GSAP: variants seen among roughly 807,000 people sequenced by gnomAD.
The protein encoded by GSAP is gamma-secretase activating protein.
In GSAP, 118 loss-of-function variants were observed where a neutral mutation model predicts 131.7. That is an observed-to-expected ratio of 0.90 (90% CI 0.77 to 1.04). GSAP has a LOEUF of 1.04. Ranked by LOEUF, GSAP falls within the 50% of genes least tolerant of loss-of-function variation. GSAP has a pLI of 0.00. For missense variants in GSAP, 1,019 were observed against 1,013.2 expected, an observed-to-expected ratio of 1.01 and a Z score of -0.08; for synonymous variants, 381 against 363.4, an observed-to-expected ratio of 1.05 and a Z score of -0.55.
At chr7:77,415,597 C>A (rs1417310392) in intron 1 of GSAP, 1 of 152,192 alleles carries the variant, frequency 6.6e-6, no homozygotes, top group African/African-American at 2.4e-5. Context: ...TCGGGGGCGG[C>A]TGGGGGCTCT....
At position 77,416,213 on chromosome 7, in the gene GSAP, C is replaced by T. The variant is rs1325490749; in HGVS notation, c.109G>A (p.Asp37Asn). The part of the protein sequence containing the change: ...EASGAGSGGA[D>N]VLENDYESLH... Reference sequence around the variant, plus strand: ...CCTCTCCGCAGCGCGCCTCCCGCACCTGCGCCGCCGCTTCCGGCCCCGCTG... The same window carrying T: ...CCTCTCCGCAGCGCGCCTCCCGCACTTGCGCCGCCGCTTCCGGCCCCGCTG... The change falls in exon 1 of 31, where the codon GAT becomes AAT. Residue 37 changes from aspartate (D) to asparagine (N), a missense_variant and splice_region_variant. Transcript: ENST00000257626. The T allele has an allele frequency of 1.4e-6, 2 of 1,450,678 alleles. No homozygotes were observed. The highest frequency in any genetic ancestry group is 2.6e-5 in the Admixed American group (1 of 38,574). 89.9% of individuals were successfully genotyped at this position (1,450,678 alleles called of 1,614,324 possible).
rs537008895 is a variant in GSAP at position 77,385,842 on chromosome 7, G to C, written c.456+1518C>G. On this transcript the variant is annotated intron_variant, in intron 6 of 30. Transcript: ENST00000257626. The stretch of plus-strand genomic sequence containing the variant: ...GGTGGAGGCTGGTAATAGCTTGGGG[G>C]ACAAAAAGGCAGATACTTTGAGTGG... 3.3e-5 allele frequency among the ~76,000 whole-genome samples: 5 copies of C among 152,294 alleles called. No homozygotes were observed. The South Asian group carries it at 1.0e-3, about 32-fold the overall frequency.
Position 77,416,268 on chromosome 7 carries a change from C to G in GSAP, c.54G>C (p.Trp18Cys), listed in dbSNP as rs1187441838. 1 of 1,496,350 alleles carries G rather than the reference C, an allele frequency of 6.7e-7. No individual in the cohort carries two copies. The highest frequency in any genetic ancestry group is 1.3e-5 in the South Asian group (1 of 79,050). The allele number at this position is 1,496,350 out of a possible 1,614,324, so 92.7% of individuals were successfully genotyped here. A position where few individuals can be genotyped will look rare whatever the true frequency, so the allele number is the denominator to read the frequency against. Reference sequence around the variant, plus strand: ...CCGACACTGCCCGCTGCGCCCGCAACCACGGGAGCACGTCCTTCCCGAGGT... The same window carrying G: ...CCGACACTGCCCGCTGCGCCCGCAAGCACGGGAGCACGTCCTTCCCGAGGT... Reference protein sequence around the residue: ...DFDLGKDVLPWLRAQRAVSEA... With the variant: ...DFDLGKDVLPCLRAQRAVSEA... The change falls in exon 1 of 31, where the codon TGG becomes TGC. Residue 18 changes from tryptophan (W) to cysteine (C), a missense_variant. Trp to Cys is a radical substitution (Grantham distance 215). Transcript: ENST00000257626.
At position 77,320,821 on chromosome 7, in the gene GSAP, T is replaced by C; in HGVS notation, c.1995-2A>G. The C allele has an allele frequency of 6.3e-7, 1 of 1,594,696 alleles. No homozygotes were observed. Reference sequence around the variant, plus strand: ...TCAGCAGCACTGCCACGACTATTGCTGGGTAAAAAAAACAAAGCAGCATGT... The same window carrying C: ...TCAGCAGCACTGCCACGACTATTGCCGGGTAAAAAAAACAAAGCAGCATGT... On this transcript the variant is annotated splice_acceptor_variant, in intron 25 of 30. Coordinates refer to ENST00000257626, the MANE Select transcript of GSAP (RefSeq NM_017439.4). LOFTEE classifies it high-confidence loss of function.
chr7:77,327,053 G>A (rs546979116), intron 22 of GSAP: 2 of 152,238 alleles, frequency 1.3e-5, no homozygotes, highest in African/African-American at 2.4e-5. Flanking sequence ...ATCTTCCCTG[G>A]ATCCTACACA....
chr7:77,317,681 T>G (rs1219059088), intron 26 of GSAP, among the ~76,000 whole-genome samples: 1 of 152,194 alleles, frequency 6.6e-6, no homozygotes, highest in Non-Finnish European at 1.5e-5. Context: ...ATTTTTATGA[T>G]CTCCAGGCGT....
chr7:77,351,391 A>G, intron 18 of GSAP: 1 of 976,696 alleles, frequency 1.0e-6, no homozygotes, highest in Non-Finnish European at 1.2e-6. Context: ...TGTGAAATCC[A>G]TGTTTTCGCC....
At chr7:77,352,148 T>C (rs1179277065) in intron 18 of GSAP, among the ~76,000 whole-genome samples, 3 of 152,262 alleles carry the variant, frequency 2.0e-5, no homozygotes, top group Non-Finnish European at 2.9e-5. Flanking sequence ...TTAAGGACTA[T>C]ATTTAGACAG....
At chr7:77,371,890 G>C (rs1028184467) in intron 12 of GSAP, among the ~76,000 whole-genome samples, 3 of 152,210 alleles carry the variant, frequency 2.0e-5, no homozygotes, top group Non-Finnish European at 4.4e-5. Flanking sequence ...TGGTGACAAA[G>C]TACCATCCTA....
At chr7:77,376,775 C>CAA (rs10649095) in intron 10 of GSAP, 73 bp downstream of exon 10, 8,487 of 449,990 alleles carry the variant, frequency 0.019, 255 homozygotes, top group African/African-American at 0.11. Context: ...GACTCCATCT[C>CAA]AAAAAAAAAA....
intron 14 of GSAP, 140 bp from the exon 15 acceptor site, chr7:77,355,787 G>GTTTTTTTTTTTTTTTTTTTTTTTTT (rs11353263): frequency 3.6e-6 from 1 of 274,572 alleles, no homozygotes; most frequent in Non-Finnish European, 6.5e-6. Flanking sequence ...ATGACAGCCC[G>GTTTTTTTTTTTTTTTTTTTTTTTTT]TTTTTTTTTT....
chr7:77,411,098 TA>T (rs57255266), intron 1 of GSAP, among the ~76,000 whole-genome samples: 63,176 of 108,718 alleles, frequency 0.58, 17,542 homozygotes, highest in East Asian at 0.84. Context: ...AAGAAAATAG[TA>T]AAAAAAAAAA....
chr7:77,347,554 G>C (rs1044085312), intron 19 of GSAP, among the ~76,000 whole-genome samples: 5 of 152,138 alleles, frequency 3.3e-5, no homozygotes, highest in Admixed American at 3.3e-4. Flanking sequence ...AGTTTGGACA[G>C]AGTTTTTCCT....
chr7:77,317,209 T>A (rs962982007), intron 26 of GSAP, among the ~76,000 whole-genome samples: 1 of 152,116 alleles, frequency 6.6e-6, no homozygotes, highest in East Asian at 1.9e-4. Context: ...AGAGGATGAG[T>A]TCATGTCCTT....
chr7:77,408,707 AAAAAAAG>A (rs1802739681), intron 1 of GSAP, among the ~76,000 whole-genome samples: 1 of 150,914 alleles, frequency 6.6e-6, no homozygotes, highest in African/African-American at 2.4e-5. Flanking sequence ...AAAAAAAAAA[AAAAAAAG>A]AAAAGATAAA....
chr7:77,393,674 C>CTTTT (rs773138759), intron 5 of GSAP, among the ~76,000 whole-genome samples: 7 of 133,456 alleles, frequency 5.2e-5, no homozygotes, highest in African/African-American at 1.1e-4. Flanking sequence ...TATATACTTT[C>CTTTT]TTTTTTTTTT....
At chr7:77,334,086 G>A (rs1455110901) in intron 19 of GSAP, among the ~76,000 whole-genome samples, 1 of 152,088 alleles carries the variant, frequency 6.6e-6, no homozygotes, top group African/African-American at 2.4e-5. Context: ...TATACCCAAA[G>A]GAATACAAAT....
At chr7:77,354,982 T>C (rs1793438062) in intron 16 of GSAP, among the ~76,000 whole-genome samples, 1 of 152,160 alleles carries the variant, frequency 6.6e-6, no homozygotes, top group Non-Finnish European at 1.5e-5. Context: ...AGCTAAACTT[T>C]TATTCCCAAT....
intron 1 of GSAP, among the ~76,000 whole-genome samples, chr7:77,409,949 G>GAT (rs1802981720): frequency 6.6e-6 from 1 of 152,114 alleles, no homozygotes; most frequent in African/African-American, 2.4e-5. Flanking sequence ...AAAGAACACT[G>GAT]ATGCCCCAAG....
Sources: gnomAD v4.1 joint callset for allele counts (sites outside exome capture counted in the v4.1 genomes callset) on GRCh38, gnomAD v4.1.1 for gene constraint, MANE v1.5 for transcripts, NCBI Gene and HGNC (gene_info 2026-07-23, HGNC 2026-07-21) for gene names.